KLHDC4: variants seen among roughly 807,000 people sequenced by gnomAD.
The protein encoded by KLHDC4 is kelch domain-containing protein 4.
Under a neutral mutation model 62.4 loss-of-function variants are expected in KLHDC4, and 90 were observed. That is an observed-to-expected ratio of 1.44 (90% CI 1.22 to 1.72). The LOEUF (loss-of-function observed/expected upper bound fraction) is 1.72. Among genes scored for constraint, KLHDC4 ranks in the 40% most tolerant of loss-of-function variants. The pLI is 0.00. For missense variants in KLHDC4, 1,025 were observed against 699.7 expected, an observed-to-expected ratio of 1.47 and a Z score of -5.25; for synonymous variants, 386 against 284.4, an observed-to-expected ratio of 1.36 and a Z score of -3.59.
chr16:87,745,848 G>A (rs1299921895), intron 5 of KLHDC4, among the ~76,000 whole-genome samples: 1 of 152,206 alleles, frequency 6.6e-6, no homozygotes, highest in Non-Finnish European at 1.5e-5. Context: ...CAGACCATTT[G>A]TCACCGCTGT....
At chr16:87,741,940 T>C (rs560798470) in intron 5 of KLHDC4, among the ~76,000 whole-genome samples, 1 of 152,358 alleles carries the variant, frequency 6.6e-6, no homozygotes, top group African/African-American at 2.4e-5. Context: ...CGTTTCCTGA[T>C]GAGCTCTTCC....
intron 7 of KLHDC4, among the ~76,000 whole-genome samples, chr16:87,724,804 C>G (rs80046972): frequency 0.037 from 5,598 of 152,236 alleles, 338 homozygotes; most frequent in African/African-American, 0.13. Context: ...CACACCCACC[C>G]CAGGGCCCAG....
intron 7 of KLHDC4, among the ~76,000 whole-genome samples, chr16:87,725,804 G>A (rs184357965): frequency 1.4e-4 from 22 of 152,296 alleles, no homozygotes; most frequent in Non-Finnish European, 2.9e-4. Flanking sequence ...CGCCCCAAGA[G>A]CAGGAGGCTC....
intron 4 of KLHDC4, among the ~76,000 whole-genome samples, chr16:87,752,064 T>C (rs1391032008): frequency 3.0e-5 from 3 of 98,962 alleles, no homozygotes; most frequent in Non-Finnish European, 5.5e-5. Flanking sequence ...CACTCCAGCC[T>C]GGGCAACAGA....
At chr16:87,748,471 A>AC (rs1056411866) in intron 5 of KLHDC4, among the ~76,000 whole-genome samples, 5 of 151,816 alleles carry the variant, frequency 3.3e-5, no homozygotes, top group Admixed American at 6.6e-5. Flanking sequence ...GGCAGCTGGC[A>AC]CCCCCCACAC....
chr16:87,751,222 T>C (rs2043876359), intron 4 of KLHDC4, among the ~76,000 whole-genome samples: 2 of 152,222 alleles, frequency 1.3e-5, no homozygotes, highest in Admixed American at 6.5e-5. Flanking sequence ...ACGCCTCTAA[T>C]TCCAGTGCTT....
At chr16:87,748,492 C>T (rs2043386024) in intron 5 of KLHDC4, among the ~76,000 whole-genome samples, 181 bp downstream of exon 5, 1 of 152,154 alleles carries the variant, frequency 6.6e-6, no homozygotes, top group African/African-American at 2.4e-5. Flanking sequence ...CCGGCCCAGG[C>T]TTCTGTATGA....
At chr16:87,741,772 C>G (rs1048339266) in intron 5 of KLHDC4, among the ~76,000 whole-genome samples, 3 of 152,198 alleles carry the variant, frequency 2.0e-5, no homozygotes, top group Admixed American at 2.0e-4. Flanking sequence ...CTGACTACTC[C>G]AGATACTGAA....
chr16:87,711,539 T>TGGGGTAAATGAAAACCGTGAGACTG (rs2035839493), intron 8 of KLHDC4, 96 bp from the exon 9 acceptor site: 2 of 1,052,408 alleles, frequency 1.9e-6, no homozygotes, highest in African/African-American at 3.2e-5. Context: ...CCCCCCAGAA[T>TGGGGTAAATGAAAACCGTGAGACTG]GGGGTAAATG....
chr16:87,728,494 T>C (rs1328483982), intron 6 of KLHDC4, among the ~76,000 whole-genome samples: 1 of 145,886 alleles, frequency 6.9e-6, no homozygotes, highest in African/African-American at 2.5e-5. Context: ...ACAACAGCTT[T>C]GAAAAAAGTT....
intron 5 of KLHDC4, among the ~76,000 whole-genome samples, chr16:87,747,283 T>C (rs2043182053): frequency 6.6e-6 from 1 of 152,166 alleles, no homozygotes; most frequent in Non-Finnish European, 1.5e-5. Context: ...ACCTGTCAAT[T>C]GTGAACAAGA....
intron 6 of KLHDC4, 118 bp from the exon 7 acceptor site, chr16:87,727,042 C>T (rs1276636853): frequency 9.6e-7 from 1 of 1,039,486 alleles, no homozygotes; most frequent in East Asian, 2.7e-5. Flanking sequence ...AAACTCAAAC[C>T]ATTTTTCTCC....
At chr16:87,713,918 T>G (rs2142960969) in intron 8 of KLHDC4, among the ~76,000 whole-genome samples, 1 of 135,512 alleles carries the variant, frequency 7.4e-6, no homozygotes, top group South Asian at 3.0e-4. Context: ...AGCCCCGAGT[T>G]CAGTAACTCA....
chr16:87,737,187 C>T (rs970841791), intron 5 of KLHDC4, among the ~76,000 whole-genome samples: 4 of 151,094 alleles, frequency 2.6e-5, no homozygotes, highest in Admixed American at 6.6e-5. Context: ...AGTGGCACAG[C>T]CAGAATTTGA....
chr16:87,729,626 G>C (rs182039076), intron 6 of KLHDC4, among the ~76,000 whole-genome samples: 9 of 152,350 alleles, frequency 5.9e-5, no homozygotes, highest in African/African-American at 2.2e-4. Flanking sequence ...AAAACAATGA[G>C]AGAGCCCGCA....
At chr16:87,759,777 G>T (rs942671286) in intron 2 of KLHDC4, among the ~76,000 whole-genome samples, 1 of 152,110 alleles carries the variant, frequency 6.6e-6, no homozygotes, top group Non-Finnish European at 1.5e-5. Flanking sequence ...AAATTCCTCT[G>T]ACCCTGAATC....
At chr16:87,719,203 T>C (rs2142992608) in intron 7 of KLHDC4, among the ~76,000 whole-genome samples, 1 of 152,306 alleles carries the variant, frequency 6.6e-6, no homozygotes, top group East Asian at 1.9e-4. Flanking sequence ...GCCATGATGA[T>C]GATGGTGGTT....
intron 6 of KLHDC4, 104 bp downstream of exon 6, chr16:87,730,448 G>A (rs2040145469): frequency 1.0e-6 from 1 of 962,962 alleles, no homozygotes. Flanking sequence ...GCTGGATTTG[G>A]GAGGATGGGT....
Position 87,709,510 on chromosome 16 carries a change from A to C in KLHDC4, c.1202T>G (p.Val401Gly). ...CCCCGCCGAGCCTGGCGCGGTGAGC[A>C]CCTGCTTAATGGTGACCACGGTGCC... Reference protein sequence around the residue: ...EDGTVVTIKQVLTAPGSAGQP... With the variant: ...EDGTVVTIKQGLTAPGSAGQP... Residue 401 changes from valine to glycine, a missense_variant, in exon 10 of 12, where the codon GTG becomes GGG. Coordinates refer to ENST00000270583, the MANE Select transcript of KLHDC4 (RefSeq NM_017566.4). 1 of 1,612,134 alleles carries C rather than the reference A, an allele frequency of 6.2e-7. No homozygotes were observed. The highest frequency in any genetic ancestry group is 1.3e-5 in the African/African-American group (1 of 75,020).
Sources: allele counts gnomAD v4.1 joint callset (sites outside exome capture counted in the v4.1 genomes callset), GRCh38; gene constraint gnomAD v4.1.1; transcripts MANE v1.5; gene names NCBI Gene and HGNC (gene_info 2026-07-23, HGNC 2026-07-21).